BRINP2: variants seen among roughly 807,000 people sequenced by gnomAD.
BRINP2 encodes the protein BMP/retinoic acid inducible neural specific 2.
BRINP2 carries 21 observed loss-of-function variants against 69.2 expected under a neutral mutation model. The observed-to-expected ratio is 0.30, with a 90% CI of 0.22 to 0.44. The LOEUF is 0.44. Ranked by LOEUF, BRINP2 falls within the 20% of genes least tolerant of loss-of-function variation. The probability of loss-of-function intolerance (pLI) is 1.00; values close to 1 mark genes in which losing one functional copy is unlikely to be tolerated. For synonymous variants in BRINP2, 380 were observed against 394.1 expected, an observed-to-expected ratio of 0.96 and a Z score of 0.42; for missense variants, 877 against 986.0, an observed-to-expected ratio of 0.89 and a Z score of 1.48.
At chr1:177,247,211 C>T (rs964331791) in intron 2 of BRINP2, among the ~76,000 whole-genome samples, 1 of 152,200 alleles carries the variant, frequency 6.6e-6, no homozygotes, top group African/African-American at 2.4e-5. Flanking sequence ...GAGAAGACTT[C>T]CTGTGTCTGA....
chr1:177,194,777 G>A (rs1397229236), intron 1 of BRINP2, among the ~76,000 whole-genome samples: 5 of 151,292 alleles, frequency 3.3e-5, no homozygotes, highest in African/African-American at 1.2e-4. Flanking sequence ...GTGTGTGTAT[G>A]TGTGTGTGTG....
chr1:177,201,997 C>T (rs900914839), intron 1 of BRINP2, among the ~76,000 whole-genome samples: 26 of 152,226 alleles, frequency 1.7e-4, no homozygotes, highest in African/African-American at 6.3e-4. Flanking sequence ...TAGAGGTGCT[C>T]ATAGTATTCT....
chr1:177,205,143 TTTTG>T (rs1357874745), intron 1 of BRINP2, among the ~76,000 whole-genome samples: 1 of 152,166 alleles, frequency 6.6e-6, no homozygotes, highest in Non-Finnish European at 1.5e-5. Context: ...CCTATACTTT[TTTTG>T]TTTGTGTTTT....
At chr1:177,229,535 C>A (rs1240623852) in intron 1 of BRINP2, among the ~76,000 whole-genome samples, 1 of 152,172 alleles carries the variant, frequency 6.6e-6, no homozygotes, top group Admixed American at 6.5e-5. Flanking sequence ...CACTTAATAG[C>A]TGTGTGAACT....
intron 2 of BRINP2, among the ~76,000 whole-genome samples, chr1:177,248,472 CGTGT>C (rs144093275): frequency 4.8e-4 from 56 of 117,640 alleles, no homozygotes; most frequent in African/African-American, 1.1e-3. Context: ...TGTGTGTGTG[CGTGT>C]GTGTGTGTGT....
chr1:177,199,390 A>C (rs911781978), intron 1 of BRINP2, among the ~76,000 whole-genome samples: 1 of 152,210 alleles, frequency 6.6e-6, no homozygotes, highest in Non-Finnish European at 1.5e-5. Context: ...ACATTTGGTC[A>C]TCAGTTCCTT....
chr1:177,182,161 C>T (rs1648278015), intron 1 of BRINP2, among the ~76,000 whole-genome samples: 1 of 146,770 alleles, frequency 6.8e-6, no homozygotes, highest in East Asian at 2.1e-4. Context: ...CTCCCATCCT[C>T]CCTTAGCTCC....
chr1:177,252,885 C>T (rs745499528), intron 2 of BRINP2, among the ~76,000 whole-genome samples: 13 of 152,086 alleles, frequency 8.5e-5, no homozygotes, highest in South Asian at 2.1e-4. Flanking sequence ...ATCCATGTTG[C>T]TGCAGATGAT....
At chr1:177,231,660 T>C (rs1293981262) in intron 2 of BRINP2, among the ~76,000 whole-genome samples, 1 of 152,242 alleles carries the variant, frequency 6.6e-6, no homozygotes, top group Middle Eastern at 3.2e-3. Flanking sequence ...CAGGCCATTT[T>C]TCTCCCACTG....
chr1:177,207,095 T>A (rs192809069), intron 1 of BRINP2, among the ~76,000 whole-genome samples: 9 of 152,284 alleles, frequency 5.9e-5, no homozygotes, highest in African/African-American at 2.2e-4. Flanking sequence ...CAAAGGCCTA[T>A]TTTTAGAATG....
At chr1:177,206,605 G>T (rs535018684) in intron 1 of BRINP2, among the ~76,000 whole-genome samples, 1 of 152,314 alleles carries the variant, frequency 6.6e-6, no homozygotes, top group African/African-American at 2.4e-5. Flanking sequence ...ACGTGGTCAT[G>T]TCACCACTAC....
intron 2 of BRINP2, among the ~76,000 whole-genome samples, chr1:177,244,492 T>G (rs1479575147): frequency 2.0e-5 from 3 of 152,132 alleles, no homozygotes; most frequent in Non-Finnish European, 4.4e-5. Context: ...TAGCTGGGCG[T>G]GTTGGCATGT....
chr1:177,229,963 C>T lies in BRINP2; in HGVS notation c.87C>T (p.Gly29=), dbSNP rs953661445. 6.2e-7 allele frequency: 1 copy of T among 1,613,590 alleles called. No individual in the cohort carries two copies. The highest frequency in any genetic ancestry group is 8.5e-7 in the Non-Finnish European group (1 of 1,179,876). The change falls in exon 2 of 8, where the codon GGC becomes GGT. Residue 29 remains glycine, a synonymous_variant. Transcript: ENST00000361539. Reference sequence around the variant, plus strand: ...CCCTGCTGGCACTGGGCCTGCCTGGCTGGGTGTTGGCTGTCTCAGCCACGG... The same window carrying T: ...CCCTGCTGGCACTGGGCCTGCCTGGTTGGGTGTTGGCTGTCTCAGCCACGG... ...WTALLALGLP[G]WVLAVSATAA... is the part of the protein sequence containing the mutation.
chr1:177,279,070 A>C (rs560732600), intron 7 of BRINP2, among the ~76,000 whole-genome samples: 262 of 152,352 alleles, frequency 1.7e-3, no homozygotes, highest in African/African-American at 5.9e-3. Context: ...CCATTTTAAT[A>C]AGTCTTAGAA....
chr1:177,173,733 T>G (rs990011416), intron 1 of BRINP2, among the ~76,000 whole-genome samples: 1 of 152,144 alleles, frequency 6.6e-6, no homozygotes, highest in African/African-American at 2.4e-5. Context: ...CTTCTCCTGA[T>G]CCCCTTTCCC....
intron 1 of BRINP2, among the ~76,000 whole-genome samples, chr1:177,188,432 G>C (rs913104431): frequency 6.6e-6 from 1 of 152,104 alleles, no homozygotes; most frequent in Non-Finnish European, 1.5e-5. Context: ...TTGTTAGAAG[G>C]TAATAAGTTC....
chr1:177,269,182 A>T (rs1651228770), intron 4 of BRINP2, among the ~76,000 whole-genome samples: 1 of 152,206 alleles, frequency 6.6e-6, no homozygotes. Context: ...CTGCCCTGGC[A>T]CTAGGGCTGC....
chr1:177,234,749 CTG>C (rs1161004759), intron 2 of BRINP2, among the ~76,000 whole-genome samples: 1 of 152,148 alleles, frequency 6.6e-6, no homozygotes, highest in Admixed American at 6.5e-5. Context: ...AAGGGATGGT[CTG>C]GGGATACATT....
intron 1 of BRINP2, among the ~76,000 whole-genome samples, chr1:177,223,236 A>G: frequency 6.6e-6 from 1 of 152,276 alleles, no homozygotes; most frequent in Non-Finnish European, 1.5e-5. Flanking sequence ...GCCCTTGTTA[A>G]GTGAAGGGCT....
Sources: gnomAD v4.1 joint callset for allele counts (sites outside exome capture counted in the v4.1 genomes callset) on GRCh38, gnomAD v4.1.1 for gene constraint, MANE v1.5 for transcripts, NCBI Gene and HGNC (gene_info 2026-07-23, HGNC 2026-07-21) for gene names.